The following TNKS variants were observed in gnomAD, a reference collection of about 807,000 sequenced individuals.
TNKS encodes tankyrase.
In TNKS, 72 loss-of-function variants were observed where a neutral mutation model predicts 135.8. The ratio of observed to expected loss-of-function variants is 0.53; its 90% confidence interval spans 0.44 to 0.64. The LOEUF (loss-of-function observed/expected upper bound fraction) is 0.64, where lower values mean the gene tolerates loss of function less well. Among genes scored for constraint, TNKS ranks in the 30% least tolerant of loss-of-function variants. The pLI is 0.00. For synonymous variants in TNKS, 849 were observed against 649.3 expected (o/e 1.31, Z -4.68); for missense variants, 1,769 against 1,674.0 (o/e 1.06, Z -0.99).
intron 20 of TNKS, among the ~76,000 whole-genome samples, chr8:9,753,600 A>G (rs549095441): frequency 6.6e-6 from 1 of 152,224 alleles, no homozygotes; most frequent in Non-Finnish European, 1.5e-5. Flanking sequence ...TTAAATATTG[A>G]ATGATGGTAA....
intron 26 of TNKS, among the ~76,000 whole-genome samples, chr8:9,774,095 G>A (rs1215443042): frequency 1.3e-5 from 2 of 152,184 alleles, no homozygotes; most frequent in African/African-American, 2.4e-5. Context: ...ACTGTACTTG[G>A]AAAGAAAAAT....
chr8:9,621,498 GTTT>G (rs1212115210), intron 3 of TNKS, among the ~76,000 whole-genome samples: 2 of 152,086 alleles, frequency 1.3e-5, no homozygotes, highest in Non-Finnish European at 2.9e-5. Context: ...TAGAGATGGG[GTTT>G]CACTATGTTG....
intron 2 of TNKS, among the ~76,000 whole-genome samples, chr8:9,603,126 C>A (rs941545236): frequency 6.6e-6 from 1 of 151,976 alleles, no homozygotes; most frequent in African/African-American, 2.4e-5. Context: ...GATCTTGGCT[C>A]ACTGCAACCT....
chr8:9,615,568 C>G lies in TNKS; in HGVS notation c.899-14C>G, dbSNP rs769809470. On this transcript the variant is annotated splice_polypyrimidine_tract_variant and intron_variant, in intron 2 of 26. Transcript: ENST00000310430. The stretch of plus-strand genomic sequence containing the variant: ...TCCCCGAGGTAAGATACTGTTTCTG[C>G]TTTCCCTGCACAGTGCTGCTGCAGC... 6.2e-7 allele frequency: 1 copy of G among 1,607,218 alleles called. No individual in the cohort carries two copies. Among genetic ancestry groups the G allele is most frequent in the Admixed American group, 1.7e-5 (1 of 59,308 alleles).
intron 17 of TNKS, among the ~76,000 whole-genome samples, chr8:9,744,188 G>A (rs531430535): frequency 1.1e-4 from 16 of 152,152 alleles, no homozygotes; most frequent in African/African-American, 3.1e-4. Context: ...TTACTGTGTC[G>A]GTGTTCTTTA....
At chr8:9,670,569 T>TG (rs1563156897) in intron 3 of TNKS, among the ~76,000 whole-genome samples, 1 of 152,220 alleles carries the variant, frequency 6.6e-6, no homozygotes, top group African/African-American at 2.4e-5. Flanking sequence ...TTAATGAAAT[T>TG]GGAGTCATTC....
At chr8:9,589,456 C>T (rs1004692732) in intron 2 of TNKS, among the ~76,000 whole-genome samples, 12 of 152,234 alleles carry the variant, frequency 7.9e-5, no homozygotes, top group African/African-American at 2.4e-4. Context: ...AAGCCAGCTC[C>T]AAGAACTTTA....
chr8:9,704,349 G>A (rs1462024511), intron 5 of TNKS, among the ~76,000 whole-genome samples: 1 of 152,140 alleles, frequency 6.6e-6, no homozygotes, highest in Non-Finnish European at 1.5e-5. Flanking sequence ...ATGAGCCCTG[G>A]TGTGTCTTCT....
intron 5 of TNKS, among the ~76,000 whole-genome samples, chr8:9,689,329 T>G (rs1033818573): frequency 6.6e-6 from 1 of 152,172 alleles, no homozygotes; most frequent in African/African-American, 2.4e-5. Context: ...CAGTGACTAA[T>G]TTAAAGAAAT....
At chr8:9,692,429 C>G (rs758110467) in intron 5 of TNKS, among the ~76,000 whole-genome samples, 2 of 152,192 alleles carry the variant, frequency 1.3e-5, no homozygotes, top group South Asian at 4.1e-4. Flanking sequence ...CCCATCTCCC[C>G]CATTACAAAA....
intron 3 of TNKS, among the ~76,000 whole-genome samples, chr8:9,627,061 G>C (rs1275658768): frequency 2.0e-5 from 3 of 152,104 alleles, no homozygotes; most frequent in African/African-American, 7.2e-5. Flanking sequence ...TGAAGGTTAA[G>C]TTGATCACCA....
chr8:9,683,378 T>C (rs1225629307), intron 5 of TNKS, among the ~76,000 whole-genome samples: 1 of 152,056 alleles, frequency 6.6e-6, no homozygotes, highest in Non-Finnish European at 1.5e-5. Flanking sequence ...AGTCAGATTG[T>C]GTATTAATGA....
chr8:9,567,915 T>C (rs904707893), intron 1 of TNKS, among the ~76,000 whole-genome samples: 3 of 152,172 alleles, frequency 2.0e-5, no homozygotes, highest in African/African-American at 7.2e-5. Context: ...GCAAATTTTA[T>C]ATTATGTGTA....
intron 1 of TNKS, chr8:9,557,548 A>G (rs1239719619): frequency 1.3e-5 from 2 of 152,168 alleles, no homozygotes; most frequent in African/African-American, 4.8e-5. Context: ...AATGTAGGTA[A>G]TAATGTTTTA....
At chr8:9,658,430 CGG>C in intron 3 of TNKS, 1 of 1,226,770 alleles carries the variant, frequency 8.2e-7, no homozygotes, top group Non-Finnish European at 1.1e-6. Flanking sequence ...GGTCGGGCGG[CGG>C]CGGCTGCCAA....
intron 2 of TNKS, among the ~76,000 whole-genome samples, chr8:9,608,253 A>C (rs1799311899): frequency 1.3e-5 from 2 of 152,188 alleles, no homozygotes; most frequent in African/African-American, 4.8e-5. Flanking sequence ...TGTTATCAGT[A>C]GTTTTTTCCT....
At chr8:9,597,018 C>T (rs1383509898) in intron 2 of TNKS, among the ~76,000 whole-genome samples, 1 of 152,156 alleles carries the variant, frequency 6.6e-6, no homozygotes, top group African/African-American at 2.4e-5. Context: ...GTAGATATGC[C>T]TTTTAGAATT....
chr8:9,559,115 G>A (rs918436124), intron 1 of TNKS, among the ~76,000 whole-genome samples: 3 of 152,144 alleles, frequency 2.0e-5, no homozygotes, highest in African/African-American at 7.2e-5. Flanking sequence ...ATTGTGTAAT[G>A]GCAAGCAGCC....
At chr8:9,592,355 C>G (rs1487540680) in intron 2 of TNKS, among the ~76,000 whole-genome samples, 1 of 152,156 alleles carries the variant, frequency 6.6e-6, no homozygotes, top group African/African-American at 2.4e-5. Flanking sequence ...ATTTCTTCAT[C>G]TTACTGGCTT....
Sources: gnomAD v4.1 joint callset for allele counts (sites outside exome capture counted in the v4.1 genomes callset) on GRCh38, gnomAD v4.1.1 for gene constraint, MANE v1.5 for transcripts, NCBI Gene and HGNC (gene_info 2026-07-23, HGNC 2026-07-21) for gene names.